ZNF492: variants seen among roughly 807,000 people sequenced by gnomAD.
ZNF492 encodes the protein zinc finger protein 115 (Y20).
ZNF492 carries 3 observed loss-of-function variants against 6.4 expected under a neutral mutation model. The observed-to-expected ratio is 0.47, with a 90% CI of 0.21 to 1.22. ZNF492 has a LOEUF of 1.22. Ranked by LOEUF, ZNF492 falls within the 50% of genes most tolerant of loss-of-function variation. The pLI is 0.22. For synonymous variants in ZNF492, 112 were observed against 205.3 expected (o/e 0.55, Z 3.89); for missense variants, 356 against 612.5 (o/e 0.58, Z 4.42).
intron 1 of ZNF492, among the ~76,000 whole-genome samples, chr19:22,640,851 A>T (rs1030151905): frequency 3.3e-5 from 5 of 152,004 alleles, no homozygotes; most frequent in African/African-American, 9.7e-5. Context: ...TCTTGAGAGG[A>T]TATATTTATT....
intron 1 of ZNF492, among the ~76,000 whole-genome samples, chr19:22,642,603 A>T (rs543171394): frequency 6.6e-6 from 1 of 151,614 alleles, no homozygotes; most frequent in Non-Finnish European, 1.5e-5. Flanking sequence ...GTTAGCCAGG[A>T]TGGTCTCCAT....
intron 1 of ZNF492, among the ~76,000 whole-genome samples, chr19:22,650,636 A>G (rs1971930333): frequency 6.6e-6 from 1 of 152,062 alleles, no homozygotes; most frequent in African/African-American, 2.4e-5. Flanking sequence ...GAGTTCCTGC[A>G]GAGTGGCCCC....
intron 1 of ZNF492, among the ~76,000 whole-genome samples, chr19:22,636,084 AT>A (rs1971758740): frequency 6.6e-6 from 1 of 150,934 alleles, no homozygotes; most frequent in South Asian, 2.1e-4. Flanking sequence ...TGTTCTTATT[AT>A]TCAGCTCTTA....
chr19:22,656,123 C>T (rs1971994659), intron 3 of ZNF492, among the ~76,000 whole-genome samples: 1 of 144,858 alleles, frequency 6.9e-6, no homozygotes, highest in South Asian at 2.1e-4. Flanking sequence ...GCGCCTGGCC[C>T]TCTTCAAGTT....
intron 1 of ZNF492, among the ~76,000 whole-genome samples, chr19:22,649,294 G>A (rs564714331): frequency 6.6e-6 from 1 of 152,252 alleles, no homozygotes; most frequent in South Asian, 2.1e-4. Context: ...CTGCTGAGAG[G>A]TCCACTGTTA....
chr19:22,654,140 C>G, intron 3 of ZNF492, 125 bp downstream of exon 3: 1 of 1,205,486 alleles, frequency 8.3e-7, no homozygotes, highest in Non-Finnish European at 1.1e-6. Flanking sequence ...TTCTGGGAAG[C>G]CTGAATTTTT....
Position 22,663,901 on chromosome 19 carries a change from A to C in ZNF492, c.232A>C (p.Asn78His). The part of the protein sequence containing the change: ...LRRYKKCGCE[N>H]LQLRKYCKSM... The stretch of plus-strand genomic sequence containing the variant: ...AAGATATAAAAAATGTGGATGTGAA[A>C]ATTTACAGTTAAGAAAATACTGTAA... Residue 78 changes from asparagine to histidine, a missense_variant, in exon 4 of 4, where the codon AAT becomes CAT. Physicochemically the swap from Asn to His is moderately conservative, Grantham distance 68 (BLOSUM62 1). This residue lies in a region of ZNF492 where 196 missense variants were observed against 219.4 expected (regional missense o/e 0.89). Coordinates refer to ENST00000456783, the MANE Select transcript of ZNF492 (RefSeq NM_020855.3). 6.3e-7 allele frequency: 1 copy of C among 1,594,722 alleles called. No individual in the cohort carries two copies. The highest frequency in any genetic ancestry group is 8.5e-7 in the Non-Finnish European group (1 of 1,172,374).
intron 1 of ZNF492, among the ~76,000 whole-genome samples, chr19:22,651,318 T>C (rs937178321): frequency 6.6e-6 from 1 of 151,504 alleles, no homozygotes; most frequent in Non-Finnish European, 1.5e-5. Flanking sequence ...TCGGTGGGAG[T>C]CTCTGATCAC....
intron 3 of ZNF492, among the ~76,000 whole-genome samples, chr19:22,658,686 A>G (rs894309423): frequency 7.1e-6 from 1 of 140,832 alleles, no homozygotes; most frequent in African/African-American, 3.0e-5. Flanking sequence ...ACTGAGTAAT[A>G]TATTGGCATT....
At chr19:22,639,476 C>T (rs1971802197) in intron 1 of ZNF492, among the ~76,000 whole-genome samples, 1 of 151,852 alleles carries the variant, frequency 6.6e-6, no homozygotes, top group South Asian at 2.1e-4. Context: ...TTTGGGAGGC[C>T]AAGGCGGGCA....
At chr19:22,644,381 C>T (rs1207716551) in intron 1 of ZNF492, among the ~76,000 whole-genome samples, 1 of 152,070 alleles carries the variant, frequency 6.6e-6, no homozygotes, top group Non-Finnish European at 1.5e-5. Context: ...CTCCCCTTGC[C>T]CCCCACTCCA....
In ZNF492 at chr19:22,634,407, C is replaced by T. The variant is rs968042242; in HGVS notation, c.-161C>T. 2 of 1,330,760 alleles carry T rather than the reference C, an allele frequency of 1.5e-6. No individual in the cohort carries two copies. The highest frequency in any genetic ancestry group is 2.5e-5 in the East Asian group (1 of 39,766). The allele number at this position is 1,330,760 out of a possible 1,614,324, so 82.4% of individuals were successfully genotyped here. On this transcript the variant is annotated 5_prime_UTR_variant, in exon 1 of 4. Transcript: ENST00000456783. ...GGTCCTAGAGGCCCATCCTCTGTGG[C>T]CCTGTGACCTGCAGGTATTGGGAGA...
chr19:22,646,060 T>G (rs1009727674), intron 1 of ZNF492, among the ~76,000 whole-genome samples: 2 of 152,186 alleles, frequency 1.3e-5, no homozygotes, highest in Admixed American at 1.3e-4. Flanking sequence ...CTGTGAAGAA[T>G]GTGAATGGTA....
In ZNF492 at chr19:22,660,741, G is replaced by GTT. The variant is rs200108869; in HGVS notation, c.131-3049_131-3048dup. ...ATAATGTATTTTTATATGATTATGT[G>GTT]TTTTTTTTTTTAATACTTTTACTTT... is the stretch of plus-strand genomic sequence containing the variant. On this transcript the variant is annotated intron_variant, in intron 3 of 3. Coordinates refer to ENST00000456783, the MANE Select transcript of ZNF492 (RefSeq NM_020855.3). Among the ~76,000 whole-genome samples the GTT allele has an allele frequency of 2.8e-5, 4 of 142,408 alleles. No individual in the cohort carries two copies. The South Asian group carries it at 8.8e-4, about 31-fold the overall frequency. 93.4% of individuals were successfully genotyped at this position (142,408 alleles called of 152,430 possible).
chr19:22,664,207 G>C lies in ZNF492; in HGVS notation c.538G>C (p.Glu180Gln). Residue 180 changes from glutamate (E) to glutamine (Q), a missense_variant, in exon 4 of 4, where the codon GAG becomes CAG. Coordinates refer to ENST00000456783, the MANE Select transcript of ZNF492 (RefSeq NM_020855.3). ...TAAAGAATGTGGGAAAGCCTATAATGAGACCTCAAACCTTTCTACACATAA... is the reference window on the plus strand; with the variant it reads ...TAAAGAATGTGGGAAAGCCTATAATCAGACCTCAAACCTTTCTACACATAA... Reference protein sequence around the residue: ...KCKECGKAYNETSNLSTHKRI... With the variant: ...KCKECGKAYNQTSNLSTHKRI... 6.2e-7 allele frequency: 1 copy of C among 1,613,080 alleles called. No homozygotes were observed. The highest frequency in any genetic ancestry group is 8.5e-7 in the Non-Finnish European group (1 of 1,179,528).
rs1198803251 is a variant in ZNF492, at chr19:22,641,805, A to G, written c.-94+7331A>G. Among the ~76,000 whole-genome samples the G allele has an allele frequency of 3.3e-5, 5 of 151,382 alleles. No individual in the cohort carries two copies. The East Asian group carries it at 9.7e-4, about 29-fold the overall frequency. ...CAATTTATTTACTTATTTATTTTTT[A>G]TTTTTTGAGACGGAGTCTTGCTCTG... On this transcript the variant is annotated intron_variant, in intron 1 of 3. Transcript: ENST00000456783.
At chr19:22,653,256 T>C in intron 1 of ZNF492, 51 bp from the exon 2 acceptor site, 2 of 1,590,414 alleles carry the variant, frequency 1.3e-6, no homozygotes, top group Non-Finnish European at 1.7e-6. Flanking sequence ...AATTAAAAAT[T>C]CTGTTCATGG....
rs1972123891 is a variant in ZNF492 at position 22,666,159 on chromosome 19, T to C, written c.*894T>C. ...AATTAACTCTCAAATTACTTCATGCTAAGGAAATTAGTTTTTCTTTTTCTT... is the reference window on the plus strand; with the variant it reads ...AATTAACTCTCAAATTACTTCATGCCAAGGAAATTAGTTTTTCTTTTTCTT... On this transcript the variant is annotated 3_prime_UTR_variant, in exon 4 of 4. Transcript: ENST00000456783. 6.6e-6 allele frequency: 1 copy of C among 150,486 alleles called. No individual in the cohort carries two copies. The highest frequency in any genetic ancestry group is 1.5e-5 in the Non-Finnish European group (1 of 67,870). The allele number at this position is 150,486 out of a possible 1,614,324, so 9.3% of individuals were successfully genotyped here.
At chr19:22,652,158 T>TGAGCAC (rs1392413538) in intron 1 of ZNF492, among the ~76,000 whole-genome samples, 2 of 151,488 alleles carry the variant, frequency 1.3e-5, no homozygotes, top group Non-Finnish European at 2.9e-5. Flanking sequence ...CATTACTGAG[T>TGAGCAC]ATCTTTATTC....
Sources: gnomAD v4.1 joint callset for allele counts (sites outside exome capture counted in the v4.1 genomes callset) on GRCh38, gnomAD v4.1.1 for gene constraint, gnomAD v4.1.1 regional missense constraint, MANE v1.5 for transcripts, NCBI Gene and HGNC (gene_info 2026-07-23, HGNC 2026-07-21) for gene names.